Variants in CDH4 observed in about 807,000 individuals in gnomAD.
The protein encoded by CDH4 is cadherin-4.
CDH4 carries 33 observed loss-of-function variants against 86.0 expected under a neutral mutation model. That is an observed-to-expected ratio of 0.38 (90% CI 0.29 to 0.51). CDH4 has a LOEUF of 0.51. Among genes scored for constraint, CDH4 ranks in the 20% least tolerant of loss-of-function variants. The pLI is 0.86. For missense variants in CDH4, 1,114 were observed against 1,307.4 expected, an observed-to-expected ratio of 0.85 and a Z score of 2.28; for synonymous variants, 555 against 549.4, an observed-to-expected ratio of 1.01 and a Z score of -0.14.
intron 6 of CDH4, among the ~76,000 whole-genome samples, chr20:61,868,359 AGAGGG>A (rs1436925136): frequency 2.0e-5 from 3 of 152,216 alleles, no homozygotes; most frequent in Non-Finnish European, 2.9e-5. Context: ...CTGAGGAGTC[AGAGGG>A]GAGGCAGCCT....
chr20:61,798,748 C>T (rs1210719512), intron 4 of CDH4, among the ~76,000 whole-genome samples: 1 of 152,220 alleles, frequency 6.6e-6, no homozygotes, highest in Non-Finnish European at 1.5e-5. Flanking sequence ...AGGGCCGGGC[C>T]GGCAGGAGTC....
chr20:61,731,751 G>A (rs567390252), intron 2 of CDH4, among the ~76,000 whole-genome samples: 9 of 152,282 alleles, frequency 5.9e-5, no homozygotes, highest in African/African-American at 1.7e-4. Context: ...TGAGTGGCTC[G>A]TGGGGTAGAA....
At chr20:61,693,220 T>C (rs769382530) in intron 2 of CDH4, among the ~76,000 whole-genome samples, 3 of 152,198 alleles carry the variant, frequency 2.0e-5, no homozygotes, top group African/African-American at 4.8e-5. Context: ...GGCCTGTCCC[T>C]GATGCTTTCC....
At chr20:61,521,399 G>T (rs1367570237) in intron 2 of CDH4, among the ~76,000 whole-genome samples, 1 of 152,164 alleles carries the variant, frequency 6.6e-6, no homozygotes, top group Non-Finnish European at 1.5e-5. Flanking sequence ...TGTAGGGATC[G>T]TAAGAAGATG....
Position 61,754,162 on chromosome 20 carries a change from T to C in CDH4, c.396+10373T>C, listed in dbSNP as rs149525064. Among the ~76,000 whole-genome samples the C allele has an allele frequency of 3.8e-3, 571 of 152,218 alleles. 1 individual carries two copies. The highest frequency in any genetic ancestry group is 0.013 in the African/African-American group (536 of 41,544). ...TCCTGCACAGCCTCCCAGGGACCAGTGCTGCAACATCTTGATTTTGGACTT... is the reference window on the plus strand; with the variant it reads ...TCCTGCACAGCCTCCCAGGGACCAGCGCTGCAACATCTTGATTTTGGACTT... On this transcript the variant is annotated intron_variant, in intron 3 of 15. Transcript: ENST00000614565. This position sits in a 1 kb window ranked among gnomAD's most constrained non-coding sequence, Gnocchi z 4.7.
At chr20:61,311,588 T>A (rs1197815486) in intron 2 of CDH4, among the ~76,000 whole-genome samples, 1 of 152,262 alleles carries the variant, frequency 6.6e-6, no homozygotes, top group East Asian at 1.9e-4. Flanking sequence ...GAAAACTGTC[T>A]TACCACTTTG....
At chr20:61,671,729 G>A (rs555868352) in intron 2 of CDH4, among the ~76,000 whole-genome samples, 2 of 151,494 alleles carry the variant, frequency 1.3e-5, no homozygotes, top group African/African-American at 4.9e-5. Context: ...TGAATGGATG[G>A]GTGGATGGAT....
At chr20:61,286,740 G>T (rs1164386648) in intron 2 of CDH4, among the ~76,000 whole-genome samples, 1 of 152,200 alleles carries the variant, frequency 6.6e-6, no homozygotes, top group African/African-American at 2.4e-5. Context: ...AATAGCTGAC[G>T]AGTTCATTTT....
At chr20:61,430,388 T>C (rs2085239953) in intron 2 of CDH4, among the ~76,000 whole-genome samples, 1 of 152,210 alleles carries the variant, frequency 6.6e-6, no homozygotes, top group African/African-American at 2.4e-5. Context: ...CCAGGCGGCC[T>C]TCTGCCTCCA....
intron 2 of CDH4, among the ~76,000 whole-genome samples, chr20:61,555,822 G>A (rs2086173099): frequency 1.3e-5 from 2 of 152,196 alleles, no homozygotes; most frequent in African/African-American, 4.8e-5. Context: ...GGAGTCATCA[G>A]TATTGCTCCA....
In CDH4 at chr20:61,802,551, A is replaced by G. The variant is rs148230444; in HGVS notation, c.576+29369A>G. ...GCTTTGAAGGAAAACTTACTTGGGG[A>G]AAAAAAAAACAACTGTCTCCGTTGG... On this transcript the variant is annotated intron_variant, in intron 4 of 15. Transcript: ENST00000614565. Among the ~76,000 whole-genome samples, 7 of 149,554 alleles carry G rather than the reference A, an allele frequency of 4.7e-5. No individual in the cohort carries two copies. In the East Asian group the frequency reaches 5.8e-4, roughly 12 times the overall value.
intron 2 of CDH4, among the ~76,000 whole-genome samples, chr20:61,590,622 C>CCTGTGAGTTTGTCTGTA (rs1203119120): frequency 3.3e-5 from 5 of 152,192 alleles, no homozygotes; most frequent in African/African-American, 1.2e-4. Flanking sequence ...GGGCCTGGAA[C>CCTGTGAGTTTGTCTGTA]CTTCCCTCTG....
intron 2 of CDH4, among the ~76,000 whole-genome samples, chr20:61,365,190 G>A (rs894496470): frequency 7.2e-5 from 11 of 152,300 alleles, no homozygotes; most frequent in African/African-American, 1.7e-4. Context: ...TCATCATGGG[G>A]GCAGAAATGG....
chr20:61,486,698 T>C (rs778211751), intron 2 of CDH4, among the ~76,000 whole-genome samples: 1 of 151,290 alleles, frequency 6.6e-6, no homozygotes, highest in African/African-American at 2.4e-5. Flanking sequence ...GAGACTAGCC[T>C]GAACAACATA....
intron 2 of CDH4, among the ~76,000 whole-genome samples, chr20:61,723,304 T>C (rs8113858): frequency 0.035 from 5,348 of 152,224 alleles, 324 homozygotes; most frequent in African/African-American, 0.12. Flanking sequence ...CTGCACCTCC[T>C]CCGGACCCCC....
intron 2 of CDH4, among the ~76,000 whole-genome samples, chr20:61,649,929 G>A (rs1390959271): frequency 1.3e-5 from 2 of 152,172 alleles, no homozygotes; most frequent in African/African-American, 4.8e-5. Context: ...AGGCATTGTG[G>A]CCTGGGATCT....
intron 14 of CDH4, 26 bp from the exon 15 acceptor site, chr20:61,934,029 CT>C (rs1167770003): frequency 1.2e-6 from 2 of 1,609,128 alleles, no homozygotes; most frequent in Non-Finnish European, 1.7e-6. Context: ...TCTGATGCCC[CT>C]GACTCCTCCC....
chr20:61,874,011 G>C, intron 7 of CDH4, 111 bp downstream of exon 7: 1 of 1,127,222 alleles, frequency 8.9e-7, no homozygotes, highest in Non-Finnish European at 1.3e-6. Flanking sequence ...GTGATCGACA[G>C]TCTCCCCAGT....
At chr20:61,565,134 G>C (rs1250570023) in intron 2 of CDH4, among the ~76,000 whole-genome samples, 1 of 116,782 alleles carries the variant, frequency 8.6e-6, no homozygotes, top group Non-Finnish European at 1.8e-5. Flanking sequence ...GGTGGTGCTG[G>C]TCCTCTTGGT....
Sources: allele counts gnomAD v4.1 joint callset (sites outside exome capture counted in the v4.1 genomes callset), GRCh38; gene constraint gnomAD v4.1.1; non-coding constraint Gnocchi (gnomAD v3.1); transcripts MANE v1.5; gene names NCBI Gene and HGNC (gene_info 2026-07-23, HGNC 2026-07-21).